PGM5: variants seen among roughly 807,000 people sequenced by gnomAD.
PGM5 encodes the protein phosphoglucomutase 5.
A neutral mutation model predicts 59.2 loss-of-function variants in PGM5; 23 were observed. That is an observed-to-expected ratio of 0.39 (90% CI 0.28 to 0.55). The LOEUF (loss-of-function observed/expected upper bound fraction) is 0.55. Among genes scored for constraint, PGM5 ranks in the 20% least tolerant of loss-of-function variants. The pLI is 0.66. For missense variants in PGM5, 574 were observed against 748.3 expected (o/e 0.77, Z 2.72); for synonymous variants, 214 against 286.0 (o/e 0.75, Z 2.54).
intron 1 of PGM5, among the ~76,000 whole-genome samples, chr9:68,371,849 G>A (rs755936568): frequency 3.9e-5 from 6 of 152,082 alleles, no homozygotes; most frequent in East Asian, 1.9e-4. Flanking sequence ...ACATAGACAC[G>A]CAGAGAAGAA....
intron 10 of PGM5, among the ~76,000 whole-genome samples, chr9:68,525,088 C>T (rs1193525445): frequency 6.6e-6 from 1 of 152,070 alleles, no homozygotes; most frequent in Non-Finnish European, 1.5e-5. Context: ...AACTCCCACC[C>T]ACCATGAGGC....
intron 7 of PGM5, among the ~76,000 whole-genome samples, chr9:68,472,866 C>T (rs782541830): frequency 3.9e-5 from 6 of 152,220 alleles, no homozygotes; most frequent in Non-Finnish European, 8.8e-5. Context: ...ACATTGCCCA[C>T]AGCACAGGAT....
intron 6 of PGM5, chr9:68,396,511 C>T (rs1563992452): frequency 6.6e-6 from 1 of 152,220 alleles, no homozygotes; most frequent in Non-Finnish European, 1.5e-5. Flanking sequence ...TCACTTTACC[C>T]CTCCTTCTCA....
intron 8 of PGM5, among the ~76,000 whole-genome samples, chr9:68,480,592 G>C (rs886878383): frequency 6.6e-6 from 1 of 152,038 alleles, no homozygotes; most frequent in African/African-American, 2.4e-5. Flanking sequence ...GTAGCTACTA[G>C]GGAGGCTGAG....
chr9:68,512,708 G>A (rs782080806), intron 10 of PGM5, among the ~76,000 whole-genome samples: 38 of 152,050 alleles, frequency 2.5e-4, no homozygotes, highest in African/African-American at 4.6e-4. Flanking sequence ...TAAAGGCCCC[G>A]TCTTAAAATA....
At chr9:68,520,106 C>T (rs543116278) in intron 10 of PGM5, among the ~76,000 whole-genome samples, 1 of 139,718 alleles carries the variant, frequency 7.2e-6, no homozygotes, top group African/African-American at 2.6e-5. Flanking sequence ...AAAAAAAAGA[C>T]AACTATAAGC....
At chr9:68,438,204 G>A (rs930969261) in intron 6 of PGM5, among the ~76,000 whole-genome samples, 10 of 146,188 alleles carry the variant, frequency 6.8e-5, no homozygotes, top group South Asian at 4.2e-4. Context: ...CAGGACAATC[G>A]CTTGAACCCA....
At chr9:68,484,609 A>AC (rs1227310327) in intron 9 of PGM5, among the ~76,000 whole-genome samples, 1 of 151,718 alleles carries the variant, frequency 6.6e-6, no homozygotes, top group African/African-American at 2.4e-5. Flanking sequence ...AAAAAAAAAA[A>AC]CAAAAGAACA....
At chr9:68,505,128 A>G (rs1554688923) in intron 10 of PGM5, among the ~76,000 whole-genome samples, 1 of 152,224 alleles carries the variant, frequency 6.6e-6, no homozygotes, top group Non-Finnish European at 1.5e-5. Context: ...TCAGGAAGCA[A>G]TTCAGATTCA....
chr9:68,505,940 C>G (rs1032297200), intron 10 of PGM5, among the ~76,000 whole-genome samples: 4 of 152,018 alleles, frequency 2.6e-5, no homozygotes, highest in Non-Finnish European at 5.9e-5. Context: ...ATGTTGGGGC[C>G]CACCAAGAGT....
intron 6 of PGM5, among the ~76,000 whole-genome samples, chr9:68,411,454 GTATTAAATATATAA>G (rs1822930302): frequency 2.1e-5 from 3 of 140,796 alleles, no homozygotes; most frequent in Non-Finnish European, 4.5e-5. Context: ...TGTAGTGTGT[GTATTAAATATATAA>G]TGTGTGTGTG....
chr9:68,510,073 C>A (rs906917943), intron 10 of PGM5, among the ~76,000 whole-genome samples: 5 of 150,044 alleles, frequency 3.3e-5, no homozygotes, highest in African/African-American at 2.5e-5. Context: ...AGCACCCCAA[C>A]AAGATTTTGT....
At chr9:68,361,914 G>T (rs527964100) in intron 1 of PGM5, among the ~76,000 whole-genome samples, 3 of 151,984 alleles carry the variant, frequency 2.0e-5, no homozygotes, top group Non-Finnish European at 2.9e-5. Flanking sequence ...CAAGGTTAGG[G>T]CGATCACTGC....
chr9:68,357,262 C>G lies in PGM5; in HGVS notation c.135C>G (p.Ile45Met), dbSNP rs1324951445. 1.3e-6 allele frequency: 2 copies of G among 1,544,276 alleles called. No individual in the cohort carries two copies. Among genetic ancestry groups the G allele is most frequent in the African/African-American group, 2.7e-5 (2 of 73,064 alleles). Residue 45 changes from isoleucine to methionine, a missense_variant, in exon 1 of 11, where the codon ATC (isoleucine) becomes ATG (methionine). Transcript: ENST00000396396. ...AGCGCAACTACCTGCCCAACTTTAT[C>G]CAGAGCGTGCTGTCGTCCATCGACC... Reference protein sequence around the residue: ...EGQRNYLPNFIQSVLSSIDLR... With the variant: ...EGQRNYLPNFMQSVLSSIDLR...
intron 10 of PGM5, 126 bp downstream of exon 10, chr9:68,499,487 C>T (rs1554688456): frequency 2.0e-6 from 2 of 1,006,138 alleles, no homozygotes. Flanking sequence ...AGCTGGAGGA[C>T]AAGCTCAGGG....
chr9:68,472,416 T>TTAC (rs1415218793), intron 7 of PGM5, among the ~76,000 whole-genome samples: 1,745 of 151,148 alleles, frequency 0.012, 28 homozygotes, highest in African/African-American at 0.04. Flanking sequence ...GAGAATGGTC[T>TTAC]CATGTAAACA....
At chr9:68,446,383 C>T (rs1462214224) in intron 6 of PGM5, among the ~76,000 whole-genome samples, 4 of 152,254 alleles carry the variant, frequency 2.6e-5, no homozygotes, top group African/African-American at 9.6e-5. Flanking sequence ...TCGTTGCGTC[C>T]AACCTTAGGA....
At chr9:68,428,119 T>A (rs1823268574) in intron 6 of PGM5, among the ~76,000 whole-genome samples, 1 of 152,212 alleles carries the variant, frequency 6.6e-6, no homozygotes, top group South Asian at 2.1e-4. Flanking sequence ...TTAGAACAAA[T>A]AAACACACTT....
chr9:68,529,527 T>G (rs187844961), intron 10 of PGM5, 40 bp from the exon 11 acceptor site: 4 of 1,417,624 alleles, frequency 2.8e-6, no homozygotes, highest in Admixed American at 1.9e-5. Context: ...AAAATGTAAC[T>G]GACTTGAGTT....
Sources: gnomAD v4.1 joint callset for allele counts (sites outside exome capture counted in the v4.1 genomes callset) on GRCh38, gnomAD v4.1.1 for gene constraint, MANE v1.5 for transcripts, NCBI Gene and HGNC (gene_info 2026-07-23, HGNC 2026-07-21) for gene names.